The following CA10 variants were observed in gnomAD, a reference collection of about 807,000 sequenced individuals.
The protein encoded by CA10 is carbonic anhydrase 10 (inactive).
A neutral mutation model predicts 44.2 loss-of-function variants in CA10; 14 were observed. The observed-to-expected ratio is 0.32, with a 90% confidence interval of 0.21 to 0.50. The LOEUF (loss-of-function observed/expected upper bound fraction) is 0.50. CA10 is among the 20% of genes least tolerant of loss of function. The pLI, the probability that CA10 is intolerant of heterozygous loss-of-function variation, is 0.99. For synonymous variants in CA10, 159 were observed against 141.6 expected (o/e 1.12, Z -0.87); for missense variants, 350 against 409.7 (o/e 0.85, Z 1.26).
chr17:51,994,398 G>A (rs996818), intron 2 of CA10, among the ~76,000 whole-genome samples: 51,383 of 151,894 alleles, frequency 0.34, 10,421 homozygotes, highest in East Asian at 0.74. Context: ...CCTTAGTCAA[G>A]TCACGTTTCT....
intron 3 of CA10, among the ~76,000 whole-genome samples, chr17:51,799,306 G>A (rs1176902040): frequency 1.3e-5 from 2 of 152,174 alleles, no homozygotes; most frequent in Non-Finnish European, 2.9e-5. Context: ...TAGTTTATAA[G>A]TCTTTGAGGT....
intron 1 of CA10, among the ~76,000 whole-genome samples, chr17:52,094,911 T>C (rs1988365555): frequency 6.6e-6 from 1 of 152,204 alleles, no homozygotes; most frequent in Non-Finnish European, 1.5e-5. Context: ...CCTTATCTTC[T>C]ACAGTTGATA....
chr17:52,100,485 A>G (rs866996502), intron 1 of CA10, among the ~76,000 whole-genome samples: 2 of 152,228 alleles, frequency 1.3e-5, no homozygotes, highest in Middle Eastern at 3.2e-3. Context: ...CCCACAAACT[A>G]CAAGTGAAAA....
chr17:51,680,909 T>G (rs1424990423), intron 4 of CA10, among the ~76,000 whole-genome samples: 2 of 148,994 alleles, frequency 1.3e-5, no homozygotes, highest in Non-Finnish European at 2.9e-5. Context: ...CCAAAAGACT[T>G]CCATTTCCCC....
intron 2 of CA10, among the ~76,000 whole-genome samples, chr17:52,027,332 T>A (rs1195798564): frequency 6.6e-6 from 1 of 152,028 alleles, no homozygotes; most frequent in East Asian, 1.9e-4. Flanking sequence ...TGCGGCCCAG[T>A]TCCTAACAGG....
intron 3 of CA10, among the ~76,000 whole-genome samples, chr17:51,766,117 GC>G (rs943099728): frequency 6.6e-6 from 1 of 152,122 alleles, no homozygotes; most frequent in African/African-American, 2.4e-5. Context: ...AAAAAACCAG[GC>G]ACTTGGTGGT....
intron 2 of CA10, among the ~76,000 whole-genome samples, chr17:52,027,622 A>T (rs1986341086): frequency 6.6e-6 from 1 of 152,164 alleles, no homozygotes; most frequent in African/African-American, 2.4e-5. Context: ...AGGCTGAAGC[A>T]GTGACTATGC....
intron 1 of CA10, among the ~76,000 whole-genome samples, chr17:52,077,527 A>G (rs150997142): frequency 0.018 from 2,749 of 152,218 alleles, 70 homozygotes; most frequent in African/African-American, 0.058. Context: ...TATGAAAACA[A>G]AGAGCTGGAT....
At chr17:52,078,385 C>A (rs1567725639) in intron 1 of CA10, among the ~76,000 whole-genome samples, 1 of 152,176 alleles carries the variant, frequency 6.6e-6, no homozygotes, top group African/African-American at 2.4e-5. Context: ...ACATACATTG[C>A]AAAAATAAGC....
At chr17:52,090,219 C>T (rs1008455827) in intron 1 of CA10, among the ~76,000 whole-genome samples, 10 of 152,204 alleles carry the variant, frequency 6.6e-5, no homozygotes, top group South Asian at 2.1e-4. Context: ...GCCAAGTAGG[C>T]GTCAATTCTT....
At chr17:51,933,904 A>AC (rs1314664079) in intron 2 of CA10, among the ~76,000 whole-genome samples, 3 of 151,970 alleles carry the variant, frequency 2.0e-5, no homozygotes, top group Admixed American at 6.6e-5. Context: ...CCCAAAAAGT[A>AC]CCCCCGCAAA....
At position 51,755,363 on chromosome 17, in the gene CA10, C is replaced by T. The variant is rs150206713; in HGVS notation, c.280-7545G>A. Among the ~76,000 whole-genome samples, 462 of 152,174 alleles carry T rather than the reference C, an allele frequency of 3.0e-3. 5 individuals carry two copies. Among genetic ancestry groups the T allele is most frequent in the African/African-American group, 0.01 (435 of 41,504 alleles). Reference sequence around the variant, plus strand: ...AGGTCTTTTGGTTTAATGGAGATAGCGCTTGTAGGGTGGATGTTTACTGCA... The same window carrying T: ...AGGTCTTTTGGTTTAATGGAGATAGTGCTTGTAGGGTGGATGTTTACTGCA... On this transcript the variant is annotated intron_variant, in intron 3 of 8. Transcript: ENST00000451037.
intron 1 of CA10, among the ~76,000 whole-genome samples, chr17:52,110,175 G>A (rs2143281204): frequency 6.6e-6 from 1 of 152,298 alleles, no homozygotes; most frequent in Admixed American, 6.5e-5. Flanking sequence ...CTGAATGCTA[G>A]CTCTCCCTCC....
intron 2 of CA10, among the ~76,000 whole-genome samples, chr17:51,968,622 G>C (rs956528068): frequency 2.0e-5 from 3 of 151,854 alleles, no homozygotes; most frequent in Admixed American, 1.3e-4. Flanking sequence ...GGGATCTTGA[G>C]GGGTGAGTGA....
chr17:52,020,551 T>G (rs1986105124), intron 2 of CA10, among the ~76,000 whole-genome samples: 1 of 152,080 alleles, frequency 6.6e-6, no homozygotes, highest in Admixed American at 6.6e-5. Context: ...ATTTTGTCTT[T>G]ACACTGAAAG....
At chr17:52,094,318 C>CAA (rs57349663) in intron 1 of CA10, among the ~76,000 whole-genome samples, 2,017 of 144,456 alleles carry the variant, frequency 0.014, 37 homozygotes, top group African/African-American at 0.044. Flanking sequence ...ATGTATAAAG[C>CAA]AAAAAAAAAA....
At chr17:52,111,311 A>T (rs987841650) in intron 1 of CA10, among the ~76,000 whole-genome samples, 1 of 152,214 alleles carries the variant, frequency 6.6e-6, no homozygotes, top group African/African-American at 2.4e-5. Context: ...TGTGATGCAG[A>T]TTATACTTGT....
chr17:51,881,510 A>C (rs74813486), intron 3 of CA10, among the ~76,000 whole-genome samples: 1 of 152,028 alleles, frequency 6.6e-6, no homozygotes, highest in Non-Finnish European at 1.5e-5. Context: ...AAAAAGAAAA[A>C]ATTTGCAACA....
intron 8 of CA10, 131 bp downstream of exon 8, chr17:51,633,345 G>T: frequency 1.1e-6 from 1 of 873,156 alleles, no homozygotes; most frequent in Non-Finnish European, 1.7e-6. Flanking sequence ...TGCAAATGGA[G>T]TGTGATGGCT....
Sources: gnomAD v4.1 joint callset for allele counts (sites outside exome capture counted in the v4.1 genomes callset) on GRCh38, gnomAD v4.1.1 for gene constraint, MANE v1.5 for transcripts, NCBI Gene and HGNC (gene_info 2026-07-23, HGNC 2026-07-21) for gene names.